The following SCP2 variants were observed in gnomAD, a reference collection of about 807,000 sequenced individuals.
SCP2 encodes the protein SCP-2/3-oxoacyl-CoA thiolase.
Under a neutral mutation model 71.4 loss-of-function variants are expected in SCP2, and 48 were observed. The ratio of observed to expected loss-of-function variants is 0.67; its 90% CI spans 0.53 to 0.86. The LOEUF (loss-of-function observed/expected upper bound fraction) is 0.86. Among genes scored for constraint, SCP2 ranks in the 40% least tolerant of loss-of-function variants. The pLI, the probability that SCP2 is intolerant of heterozygous loss-of-function variation, is 0.00. For missense variants in SCP2, 560 were observed against 655.6 expected, an observed-to-expected ratio of 0.85 and a Z score of 1.59; for synonymous variants, 220 against 218.1, an observed-to-expected ratio of 1.01 and a Z score of -0.08.
intron 1 of SCP2, among the ~76,000 whole-genome samples, chr1:52,941,502 C>T (rs914346175): frequency 1.8e-4 from 27 of 151,810 alleles, no homozygotes; most frequent in Non-Finnish European, 3.4e-4. Flanking sequence ...TTTGGGAGGC[C>T]GAGGCAGGCA....
chr1:52,993,471 C>T (rs1390167944), intron 11 of SCP2: 110 of 1,613,714 alleles, frequency 6.8e-5, no homozygotes, highest in Non-Finnish European at 8.1e-5. Flanking sequence ...CGATCCTTTA[C>T]TCTGAGAATC....
chr1:53,009,330 G>A (rs1371493506), intron 11 of SCP2, among the ~76,000 whole-genome samples: 1 of 152,144 alleles, frequency 6.6e-6, no homozygotes, highest in Non-Finnish European at 1.5e-5. Context: ...ACAATCCTAA[G>A]CCAAAAGAAC....
At chr1:53,038,173 GTA>G (rs1465113838) in intron 13 of SCP2, among the ~76,000 whole-genome samples, 1 of 147,454 alleles carries the variant, frequency 6.8e-6, no homozygotes. Context: ...ACCTATATGT[GTA>G]TATATATATA....
intron 13 of SCP2, among the ~76,000 whole-genome samples, chr1:53,030,639 C>G (rs1662472420): frequency 6.6e-6 from 1 of 152,040 alleles, no homozygotes; most frequent in African/African-American, 2.4e-5. Flanking sequence ...CCCCTGTAAT[C>G]CCAGCATTAT....
At chr1:52,960,588 G>GTA (rs1179492917) in intron 5 of SCP2, among the ~76,000 whole-genome samples, 5 of 144,954 alleles carry the variant, frequency 3.4e-5, no homozygotes, top group African/African-American at 1.3e-4. Flanking sequence ...ATATATGTAT[G>GTA]TATATGTATA....
intron 1 of SCP2, among the ~76,000 whole-genome samples, chr1:52,934,417 C>T (rs565057407): frequency 2.3e-4 from 35 of 151,092 alleles, no homozygotes; most frequent in African/African-American, 7.8e-4. Context: ...CTCATGGAGC[C>T]GATATTTTTC....
chr1:52,934,984 C>T (rs1298716125), intron 1 of SCP2: 1 of 148,046 alleles, frequency 6.8e-6, no homozygotes. Context: ...GAAACGTCGG[C>T]CCGGGAGCGG....
intron 1 of SCP2, among the ~76,000 whole-genome samples, chr1:52,934,401 G>A (rs1388121984): frequency 4.0e-5 from 6 of 151,486 alleles, no homozygotes; most frequent in East Asian, 1.9e-4. Context: ...TGAAAGGGCC[G>A]TATAACTCAT....
intron 9 of SCP2, 106 bp downstream of exon 9, chr1:52,978,473 T>C (rs1469272683): frequency 1.1e-6 from 1 of 890,338 alleles, no homozygotes; most frequent in Non-Finnish European, 1.8e-6. Flanking sequence ...TAACTAGACA[T>C]GCTATTTGTC....
intron 14 of SCP2, among the ~76,000 whole-genome samples, chr1:53,040,925 T>C (rs1663376470): frequency 6.6e-6 from 1 of 152,206 alleles, no homozygotes. Context: ...GTGCTTAGAA[T>C]GTACCCGAGA....
At chr1:52,994,958 C>T in intron 11 of SCP2, 1 of 517,980 alleles carries the variant, frequency 1.9e-6, no homozygotes, top group Non-Finnish European at 3.8e-6. Flanking sequence ...TCTGCTAGCT[C>T]AGGCCCTTTT....
intron 13 of SCP2, among the ~76,000 whole-genome samples, chr1:53,031,651 A>G (rs1029455227): frequency 5.3e-5 from 8 of 152,294 alleles, no homozygotes; most frequent in Non-Finnish European, 8.8e-5. Flanking sequence ...ATGATCTCCA[A>G]TTTCACAACT....
chr1:52,998,384 C>T (rs115055483), intron 11 of SCP2, among the ~76,000 whole-genome samples: 5,639 of 152,206 alleles, frequency 0.037, 211 homozygotes, highest in East Asian at 0.2. Flanking sequence ...TTGCTTGAAG[C>T]CAGGAATTTG....
At position 52,942,655 on chromosome 1, in the gene SCP2, A is replaced by T. The variant is rs546379356; in HGVS notation, c.127+802A>T. ...TCAATAAGAAATTTAATTATTTTTAAAAAATCCAAATGCTGGCATTGCCAG... is the reference window on the plus strand; with the variant it reads ...TCAATAAGAAATTTAATTATTTTTATAAAATCCAAATGCTGGCATTGCCAG... On this transcript the variant is annotated intron_variant, in intron 2 of 15. Transcript: ENST00000371514. 5.6e-4 allele frequency among the ~76,000 whole-genome samples: 85 copies of T among 151,734 alleles called. 1 individual carries two copies. The highest frequency in any genetic ancestry group is 1.9e-3 in the African/African-American group (78 of 41,348).
intron 14 of SCP2, among the ~76,000 whole-genome samples, chr1:53,043,965 A>G (rs1663610356): frequency 6.6e-6 from 1 of 152,130 alleles, no homozygotes; most frequent in Non-Finnish European, 1.5e-5. Flanking sequence ...TTTAGGGGCG[A>G]TCCCTGAGTT....
chr1:52,996,462 T>G (rs989207446), intron 11 of SCP2, among the ~76,000 whole-genome samples: 1 of 152,184 alleles, frequency 6.6e-6, no homozygotes, highest in Admixed American at 6.5e-5. Context: ...GGATTTTCCA[T>G]CCTAAAAGTT....
chr1:52,968,751 A>C (rs936313969), intron 6 of SCP2, among the ~76,000 whole-genome samples: 3 of 152,186 alleles, frequency 2.0e-5, no homozygotes, highest in African/African-American at 7.2e-5. Flanking sequence ...GCCCTTGAAC[A>C]ACAGGGGGTT....
intron 11 of SCP2, among the ~76,000 whole-genome samples, chr1:52,999,402 G>A: frequency 6.6e-6 from 1 of 152,206 alleles, no homozygotes; most frequent in East Asian, 1.9e-4. Context: ...CTAGTGATGA[G>A]GGTGTAAGAT....
At chr1:53,004,953 C>G (rs1660537602) in intron 11 of SCP2, among the ~76,000 whole-genome samples, 1 of 152,228 alleles carries the variant, frequency 6.6e-6, no homozygotes, top group Non-Finnish European at 1.5e-5. Flanking sequence ...ATGGTCTTAG[C>G]AAATGGCACA....
Sources: gnomAD v4.1 joint callset for allele counts (sites outside exome capture counted in the v4.1 genomes callset) on GRCh38, gnomAD v4.1.1 for gene constraint, MANE v1.5 for transcripts, NCBI Gene and HGNC (gene_info 2026-07-23, HGNC 2026-07-21) for gene names.